GABBR2: variants seen among roughly 807,000 people sequenced by gnomAD.
GABBR2 encodes the protein G-protein coupled receptor 51.
A neutral mutation model predicts 105.6 loss-of-function variants in GABBR2; 23 were observed. The ratio of observed to expected loss-of-function variants is 0.22; its 90% CI spans 0.16 to 0.31. The LOEUF (loss-of-function observed/expected upper bound fraction) is 0.31. GABBR2 is among the 10% of genes least tolerant of loss of function. GABBR2 has a pLI of 1.00. For synonymous variants in GABBR2, 478 were observed against 499.7 expected, an observed-to-expected ratio of 0.96 and a Z score of 0.58; for missense variants, 734 against 1,245.5, an observed-to-expected ratio of 0.59 and a Z score of 6.18.
intron 13 of GABBR2, among the ~76,000 whole-genome samples, chr9:98,359,591 T>A (rs528028515): frequency 6.6e-6 from 1 of 152,192 alleles, no homozygotes; most frequent in African/African-American, 2.4e-5. Context: ...GGGTCCTTCC[T>A]GTTATTCTCA....
At chr9:98,612,220 T>G (rs570657653) in intron 1 of GABBR2, among the ~76,000 whole-genome samples, 1 of 152,312 alleles carries the variant, frequency 6.6e-6, no homozygotes, top group East Asian at 1.9e-4. Context: ...AGAGCACAGA[T>G]GCAGTGTGTT....
chr9:98,621,176 C>A (rs1399295275), intron 1 of GABBR2, among the ~76,000 whole-genome samples: 1 of 152,138 alleles, frequency 6.6e-6, no homozygotes, highest in South Asian at 2.1e-4. Context: ...AAGTGGGCCA[C>A]GTGGGGACAA....
intron 11 of GABBR2, among the ~76,000 whole-genome samples, chr9:98,384,591 C>CA (rs1040119410): frequency 1.3e-5 from 2 of 149,896 alleles, no homozygotes; most frequent in African/African-American, 2.5e-5. Context: ...ACTCTGTCTC[C>CA]AAAAAAACCC....
At chr9:98,532,917 G>C (rs1238547962) in intron 3 of GABBR2, among the ~76,000 whole-genome samples, 1 of 152,190 alleles carries the variant, frequency 6.6e-6, no homozygotes, top group Non-Finnish European at 1.5e-5. Flanking sequence ...CATTCCCAAA[G>C]CCCAACACCT....
intron 9 of GABBR2, among the ~76,000 whole-genome samples, chr9:98,391,719 T>C (rs1469899788): frequency 6.6e-6 from 1 of 151,808 alleles, no homozygotes; most frequent in Non-Finnish European, 1.5e-5. Context: ...AGCAGTTTAG[T>C]TGGGGGGAAT....
At chr9:98,586,209 A>T (rs1405734296) in intron 1 of GABBR2, among the ~76,000 whole-genome samples, 2 of 151,902 alleles carry the variant, frequency 1.3e-5, no homozygotes, top group Non-Finnish European at 2.9e-5. Flanking sequence ...CCACACCTGC[A>T]CATAGCCCTC....
rs146350276 is a variant in GABBR2, at chr9:98,424,819, A to C, written c.1237-18678T>G. On this transcript the variant is annotated intron_variant, in intron 7 of 18. Transcript: ENST00000259455. ...CAAGGCGAACTACAAACCACTGCTC[A>C]ATGAAATAAAAGAGGATAGAAACAA... Among the ~76,000 whole-genome samples the C allele has an allele frequency of 5.9e-3, 898 of 152,336 alleles. 8 individuals carry two copies. Among genetic ancestry groups the C allele is most frequent in the African/African-American group, 0.021 (860 of 41,566 alleles).
intron 3 of GABBR2, among the ~76,000 whole-genome samples, chr9:98,501,950 C>T (rs377696939): frequency 4.1e-4 from 62 of 152,258 alleles, no homozygotes; most frequent in Middle Eastern, 3.4e-3. Context: ...GAGACGAGCG[C>T]GTCTGCCCAC....
chr9:98,306,463 GTC>G lies in GABBR2; in HGVS notation c.2005-120_2005-119del. On this transcript the variant is annotated intron_variant, in intron 14 of 18. Transcript: ENST00000259455. The surrounding 1 kb of genome is among the most constrained non-coding windows in gnomAD (Gnocchi z 5.4). The stretch of plus-strand genomic sequence containing the variant: ...AGGAGGTGGGCTGCAGGGAGGGAGG[GTC>G]GGGGGCCTTGCTGTCAGCCGGGTCT... The G allele has an allele frequency of 5.0e-6, 3 of 600,088 alleles. No homozygotes were observed. Among genetic ancestry groups the G allele is most frequent in the Non-Finnish European group, 3.1e-6 (1 of 321,438 alleles). The allele number at this position is 600,088 out of a possible 1,614,324, so 37.2% of individuals were successfully genotyped here. A position where few individuals can be genotyped will look rare whatever the true frequency, so the allele number is the denominator to read the frequency against.
intron 1 of GABBR2, among the ~76,000 whole-genome samples, chr9:98,599,975 G>C (rs1380706689): frequency 6.6e-6 from 1 of 152,184 alleles, no homozygotes; most frequent in African/African-American, 2.4e-5. Context: ...CAGAGAGTGG[G>C]AATGCGAAGA....
intron 2 of GABBR2, among the ~76,000 whole-genome samples, chr9:98,566,011 C>T (rs1001524108): frequency 1.2e-4 from 18 of 152,216 alleles, no homozygotes; most frequent in Admixed American, 5.9e-4. Context: ...TTCCCAGTCT[C>T]ACACTCTAAG....
rs77527215 is a variant in GABBR2, at chr9:98,447,845, G to T, written c.1236+6136C>A. Among the ~76,000 whole-genome samples the T allele has an allele frequency of 1.2e-3, 181 of 152,026 alleles. 6 individuals carry two copies. The East Asian group carries it at 0.027, about 22-fold the overall frequency. On this transcript the variant is annotated intron_variant, in intron 7 of 18. Coordinates refer to ENST00000259455, the MANE Select transcript of GABBR2 (RefSeq NM_005458.8). ...TGGGGTGGTGACTTGTCTAGGGGGT[G>T]GGGGGAGCATTTTTTGAGTCTTAGT...
chr9:98,573,616 T>C (rs1035695574), intron 2 of GABBR2, among the ~76,000 whole-genome samples: 1 of 152,234 alleles, frequency 6.6e-6, no homozygotes, highest in Non-Finnish European at 1.5e-5. Context: ...TTAATTGAGG[T>C]AAAATATACA....
intron 1 of GABBR2, among the ~76,000 whole-genome samples, chr9:98,650,281 G>T (rs561169556): frequency 1.8e-3 from 272 of 152,288 alleles, no homozygotes; most frequent in Middle Eastern, 0.01. Flanking sequence ...GCACTTGCTA[G>T]CTGGGTGACG....
At chr9:98,383,837 C>T (rs1019132369) in intron 11 of GABBR2, among the ~76,000 whole-genome samples, 1 of 152,166 alleles carries the variant, frequency 6.6e-6, no homozygotes, top group African/African-American at 2.4e-5. Flanking sequence ...TGTCCCAGAG[C>T]AGAGGGACTG....
chr9:98,607,871 TGAA>T, intron 1 of GABBR2: 9 of 1,396,364 alleles, frequency 6.4e-6, no homozygotes, highest in Admixed American at 2.0e-5. Context: ...GTAGCTAAAA[TGAA>T]GAAGATGGAG....
intron 13 of GABBR2, among the ~76,000 whole-genome samples, chr9:98,341,648 G>A (rs1044344687): frequency 3.3e-5 from 5 of 152,182 alleles, no homozygotes; most frequent in African/African-American, 1.2e-4. Context: ...AAGGAAGGAA[G>A]TAGATACAAG....
intron 13 of GABBR2, among the ~76,000 whole-genome samples, chr9:98,324,390 C>T (rs113282282): frequency 5.3e-5 from 8 of 152,264 alleles, no homozygotes; most frequent in African/African-American, 1.9e-4. Flanking sequence ...GACATGCTCA[C>T]CCTGAGCCCC....
rs138228555 is a variant in GABBR2, at chr9:98,706,190, A to G, written c.321+2227T>C. Among the ~76,000 whole-genome samples the G allele has an allele frequency of 7.1e-3, 1,073 of 151,690 alleles. 4 individuals carry two copies. Among genetic ancestry groups the G allele is most frequent in the African/African-American group, 0.025 (1,017 of 41,326 alleles). On this transcript the variant is annotated intron_variant, in intron 1 of 18. Coordinates refer to ENST00000259455, the MANE Select transcript of GABBR2 (RefSeq NM_005458.8). ...TTTAGTGCTTACAGCATGCCAGAGCACTGGCCGCTGAGCCTGCCAGCTCAG... is the reference window on the plus strand; with the variant it reads ...TTTAGTGCTTACAGCATGCCAGAGCGCTGGCCGCTGAGCCTGCCAGCTCAG...
Sources: gnomAD v4.1 joint callset for allele counts (sites outside exome capture counted in the v4.1 genomes callset) on GRCh38, gnomAD v4.1.1 for gene constraint, Gnocchi (gnomAD v3.1) non-coding constraint, MANE v1.5 for transcripts, NCBI Gene and HGNC (gene_info 2026-07-23, HGNC 2026-07-21) for gene names.